The following FHOD3 variants were observed in gnomAD, a reference collection of about 807,000 sequenced individuals.
The protein encoded by FHOD3 is FH1/FH2 domain-containing protein 3.
FHOD3 carries 90 observed loss-of-function variants against 173.0 expected under a neutral mutation model. The ratio of observed to expected loss-of-function variants is 0.52; its 90% CI spans 0.44 to 0.62. FHOD3 has a LOEUF of 0.62. Among genes scored for constraint, FHOD3 ranks in the 20% least tolerant of loss-of-function variants. The pLI, the probability that FHOD3 is intolerant of heterozygous loss-of-function variation, is 0.00. For missense variants in FHOD3, 1,945 were observed against 2,034.7 expected, an observed-to-expected ratio of 0.96 and a Z score of 0.85; for synonymous variants, 828 against 823.0, an observed-to-expected ratio of 1.01 and a Z score of -0.10.
chr18:36,642,357 T>A (rs796474081), intron 10 of FHOD3, among the ~76,000 whole-genome samples: 1 of 152,144 alleles, frequency 6.6e-6, no homozygotes, highest in African/African-American at 2.4e-5. Flanking sequence ...CAGTGGTTCA[T>A]GCCTGTAATC....
At chr18:36,355,493 T>C in intron 1 of FHOD3, 46 bp from the exon 2 acceptor site, 1 of 1,484,482 alleles carries the variant, frequency 6.7e-7, no homozygotes, top group Non-Finnish European at 9.4e-7. Context: ...ATATGTAGTC[T>C]CCATCTGAGG....
chr18:36,605,526 T>C (rs190566971), intron 8 of FHOD3, among the ~76,000 whole-genome samples: 1 of 152,342 alleles, frequency 6.6e-6, no homozygotes, highest in East Asian at 1.9e-4. Context: ...TTCATTCAAA[T>C]GTAATCCTTT....
chr18:36,658,107 C>A lies in FHOD3; in HGVS notation c.1754C>A (p.Ser585Tyr), dbSNP rs200702049. The change falls in exon 14 of 29, where the codon TCC becomes TAC. Residue 585 changes from serine (S) to tyrosine (Y), a missense_variant. Ser to Tyr is a moderately radical substitution (Grantham distance 144, BLOSUM62 -2). Around this residue, in one of 5 missense-constraint regions of FHOD3, gnomAD observed 1,099 missense variants for 1,051.2 expected, o/e 1.05. Transcript: ENST00000590592. ...YSNFGNNSYH[S>Y]SRPSSGSSVP... ...AATTTTGGCAATAACTCTTATCACT[C>A]CTCAAGACCCTCATCTGGATCCAGT... 179 of 1,605,534 alleles carry A rather than the reference C, an allele frequency of 1.1e-4. 3 individuals carry two copies. The East Asian group carries it at 4.0e-3, about 36-fold the overall frequency.
chr18:36,742,637 G>A, intron 21 of FHOD3, 100 bp from the exon 22 acceptor site: 1 of 1,321,946 alleles, frequency 7.6e-7, no homozygotes, highest in South Asian at 1.4e-5. Flanking sequence ...CCTTGTGCTG[G>A]GGAGAACACC....
At chr18:36,379,142 G>A (rs1038749938) in intron 3 of FHOD3, among the ~76,000 whole-genome samples, 1 of 152,188 alleles carries the variant, frequency 6.6e-6, no homozygotes, top group East Asian at 1.9e-4. Flanking sequence ...CTACAGACAT[G>A]CGGATAAACA....
At chr18:36,684,103 T>G (rs1047789688) in intron 15 of FHOD3, among the ~76,000 whole-genome samples, 21 of 152,190 alleles carry the variant, frequency 1.4e-4, no homozygotes, top group African/African-American at 5.1e-4. Flanking sequence ...GAGAACTAAG[T>G]ACAGAGTGGG....
intron 5 of FHOD3, among the ~76,000 whole-genome samples, chr18:36,567,451 G>C (rs2147807513): frequency 6.6e-6 from 1 of 152,304 alleles, no homozygotes; most frequent in Non-Finnish European, 1.5e-5. Flanking sequence ...ACAGAGCAAG[G>C]AGGAGTTTTG....
At chr18:36,513,690 CCAAT>C (rs1308163974) in intron 5 of FHOD3, among the ~76,000 whole-genome samples, 1 of 151,922 alleles carries the variant, frequency 6.6e-6, no homozygotes, top group African/African-American at 2.4e-5. Context: ...CGTTTTCCAG[CCAAT>C]CAGAGCCTTC....
At position 36,418,589 on chromosome 18, in the gene FHOD3, AG is replaced by A. The variant is rs141470523; in HGVS notation, c.337+45847del. Among the ~76,000 whole-genome samples the A allele has an allele frequency of 3.6e-3, 542 of 152,308 alleles. 6 individuals are homozygous for A. The highest frequency in any genetic ancestry group is 0.013 in the African/African-American group (526 of 41,564). ...ACTTTTGCTACTCAGTTTTTCTTAT[AG>A]GTCACAGGTTGAATTCTTTTTATCA... is the stretch of plus-strand genomic sequence containing the variant. On this transcript the variant is annotated intron_variant, in intron 3 of 28. Coordinates refer to ENST00000590592, the MANE Select transcript of FHOD3 (RefSeq NM_001281740.3).
intron 1 of FHOD3, among the ~76,000 whole-genome samples, chr18:36,338,474 G>T (rs2045437810): frequency 1.3e-5 from 2 of 152,174 alleles, no homozygotes; most frequent in Admixed American, 1.3e-4. Flanking sequence ...CGCCATGTGG[G>T]TCACACCGAG....
chr18:36,658,550 A>T (rs1215877647), intron 14 of FHOD3, among the ~76,000 whole-genome samples: 1 of 152,236 alleles, frequency 6.6e-6, no homozygotes, highest in Non-Finnish European at 1.5e-5. Context: ...CCATTGAATG[A>T]TTAAATCTGT....
chr18:36,591,203 A>G lies in FHOD3; in HGVS notation c.607-3584A>G, dbSNP rs1599777427. 2.0e-5 allele frequency among the ~76,000 whole-genome samples: 3 copies of G among 152,312 alleles called. No homozygotes were observed. The South Asian group carries it at 6.2e-4, about 32-fold the overall frequency. On this transcript the variant is annotated intron_variant, in intron 6 of 28. Transcript: ENST00000590592. ...ATACACTGGAATGTAGTCTATTCCTACAGAATAGAAGCAGAGAAGCAATCG... is the reference window on the plus strand; with the variant it reads ...ATACACTGGAATGTAGTCTATTCCTGCAGAATAGAAGCAGAGAAGCAATCG...
At chr18:36,575,307 A>G (rs1382920562) in intron 5 of FHOD3, among the ~76,000 whole-genome samples, 1 of 152,208 alleles carries the variant, frequency 6.6e-6, no homozygotes, top group African/African-American at 2.4e-5. Flanking sequence ...TCTGTTGGAT[A>G]GGATGCATTT....
In FHOD3 at chr18:36,626,287, G is replaced by A. The variant is rs561393148; in HGVS notation, c.1196+538G>A. On this transcript the variant is annotated intron_variant, in intron 10 of 28. Transcript: ENST00000590592. Reference sequence around the variant, plus strand: ...TTATTGAGTGTCTGTTAGAGGCCAGGACTACTTGAAGCCATGAAGATACAT... The same window carrying A: ...TTATTGAGTGTCTGTTAGAGGCCAGAACTACTTGAAGCCATGAAGATACAT... 9.9e-5 allele frequency among the ~76,000 whole-genome samples: 15 copies of A among 152,208 alleles called. No homozygotes were observed. The East Asian group carries it at 2.9e-3, about 29-fold the overall frequency.
intron 5 of FHOD3, among the ~76,000 whole-genome samples, chr18:36,522,931 C>T (rs1287107630): frequency 2.0e-5 from 3 of 152,206 alleles, no homozygotes; most frequent in African/African-American, 7.2e-5. Context: ...ACTATTTCAA[C>T]CTCATTATCT....
intron 5 of FHOD3, among the ~76,000 whole-genome samples, chr18:36,565,857 A>G (rs751616434): frequency 6.6e-6 from 1 of 152,226 alleles, no homozygotes; most frequent in African/African-American, 2.4e-5. Context: ...TCAAATATGC[A>G]AGTGGACACT....
chr18:36,749,147 G>T (rs2042294373), intron 24 of FHOD3, among the ~76,000 whole-genome samples: 1 of 152,146 alleles, frequency 6.6e-6, no homozygotes, highest in Non-Finnish European at 1.5e-5. Context: ...TCCTGGCTAA[G>T]AAAATTTTGT....
chr18:36,551,855 T>C (rs1489982342), intron 5 of FHOD3, among the ~76,000 whole-genome samples: 1 of 152,120 alleles, frequency 6.6e-6, no homozygotes, highest in Non-Finnish European at 1.5e-5. Flanking sequence ...CATTGATCTA[T>C]GTCTCTGTTT....
At chr18:36,468,107 C>T (rs1012776492) in intron 3 of FHOD3, among the ~76,000 whole-genome samples, 10 of 152,002 alleles carry the variant, frequency 6.6e-5, no homozygotes, top group African/African-American at 1.5e-4. Context: ...TTCTGGGAGC[C>T]GAGAGGGGAA....
Sources: allele counts gnomAD v4.1 joint callset (sites outside exome capture counted in the v4.1 genomes callset), GRCh38; gene constraint gnomAD v4.1.1; regional missense constraint gnomAD v4.1.1; transcripts MANE v1.5; gene names NCBI Gene and HGNC (gene_info 2026-07-23, HGNC 2026-07-21).